GALNT13: variants seen among roughly 807,000 people sequenced by gnomAD.
GALNT13 encodes the protein polypeptide N-acetylgalactosaminyltransferase 13.
GALNT13 carries 28 observed loss-of-function variants against 64.2 expected under a neutral mutation model. The ratio of observed to expected loss-of-function variants is 0.44; its 90% confidence interval spans 0.32 to 0.60. GALNT13 has a LOEUF of 0.60. GALNT13 is among the 20% of genes least tolerant of loss of function. GALNT13 has a pLI of 0.05. For synonymous variants in GALNT13, 214 were observed against 224.6 expected (o/e 0.95, Z 0.42); for missense variants, 577 against 669.8 (o/e 0.86, Z 1.53).
At chr2:153,415,562 C>G in the GALNT13 span, among the ~76,000 whole-genome samples, 1 of 152,064 alleles carries the variant, frequency 6.6e-6, no homozygotes, top group Admixed American at 6.6e-5. Flanking sequence ...ATCATGTAAA[C>G]CAAATATAAT....
chr2:153,611,549 C>T, the GALNT13 span, among the ~76,000 whole-genome samples: 57 of 151,864 alleles, frequency 3.8e-4, no homozygotes, highest in African/African-American at 1.2e-3. Flanking sequence ...TTAGTAAAGA[C>T]GGGGTTTCAC....
At chr2:153,196,122 G>T in the GALNT13 span, among the ~76,000 whole-genome samples, 1 of 152,206 alleles carries the variant, frequency 6.6e-6, no homozygotes, top group Non-Finnish European at 1.5e-5. Flanking sequence ...GGTACCACAA[G>T]TTCCCACTCC....
At chr2:154,385,213 C>T (rs1391010189) in intron 9 of GALNT13, among the ~76,000 whole-genome samples, 2 of 151,916 alleles carry the variant, frequency 1.3e-5, no homozygotes, top group African/African-American at 2.4e-5. Context: ...GAAATATTTT[C>T]GTTTGTCAGT....
the GALNT13 span, among the ~76,000 whole-genome samples, chr2:153,277,927 C>CTTT: frequency 3.9e-4 from 31 of 80,102 alleles, no homozygotes; most frequent in Admixed American, 2.0e-3. Flanking sequence ...TCTTTTCTTT[C>CTTT]TTTTTTTTTT....
At chr2:154,133,499 C>T (rs1200599417) in intron 3 of GALNT13, among the ~76,000 whole-genome samples, 2 of 127,228 alleles carry the variant, frequency 1.6e-5, no homozygotes, top group African/African-American at 5.8e-5. Context: ...CAACTCAATT[C>T]ATCTAACTTT....
intron 9 of GALNT13, among the ~76,000 whole-genome samples, chr2:154,332,504 TA>T (rs1358101132): frequency 6.6e-6 from 1 of 152,080 alleles, no homozygotes; most frequent in African/African-American, 2.4e-5. Flanking sequence ...CTGCATGGTT[TA>T]AAATGAAATT....
chr2:153,483,493 C>T, the GALNT13 span, among the ~76,000 whole-genome samples: 40 of 149,122 alleles, frequency 2.7e-4, no homozygotes, highest in East Asian at 3.0e-3. Context: ...CTCAGCTCAC[C>T]GCAACCTCTG....
At chr2:154,222,331 C>T (rs986939986) in intron 4 of GALNT13, among the ~76,000 whole-genome samples, 3 of 151,962 alleles carry the variant, frequency 2.0e-5, no homozygotes, top group Admixed American at 6.6e-5. Context: ...GAAATGTTTC[C>T]CTACTTTTCC....
the GALNT13 span, among the ~76,000 whole-genome samples, chr2:153,258,385 A>AAAACG: frequency 5.6e-5 from 8 of 142,876 alleles, 1 homozygote; most frequent in African/African-American, 1.7e-4. Context: ...AAAACAAAAC[A>AAAACG]AAACAAAACA....
chr2:153,239,436 A>G, the GALNT13 span, among the ~76,000 whole-genome samples: 5 of 152,074 alleles, frequency 3.3e-5, no homozygotes, highest in African/African-American at 1.2e-4. Flanking sequence ...AAAGGCTTTC[A>G]GTTTTTGCCC....
the GALNT13 span, among the ~76,000 whole-genome samples, chr2:153,226,661 A>C: frequency 6.6e-6 from 1 of 152,222 alleles, no homozygotes; most frequent in African/African-American, 2.4e-5. Flanking sequence ...CAAACTTATC[A>C]AAAACAAGAA....
chr2:154,045,587 G>A (rs751655664), intron 3 of GALNT13, among the ~76,000 whole-genome samples: 9 of 152,122 alleles, frequency 5.9e-5, no homozygotes, highest in Non-Finnish European at 1.0e-4. Context: ...AGCTCTGGAC[G>A]CAAGTGTTTT....
the GALNT13 span, among the ~76,000 whole-genome samples, chr2:153,573,068 G>A: frequency 2.7e-4 from 41 of 151,830 alleles, no homozygotes; most frequent in African/African-American, 6.7e-4. Context: ...ATTGTATTTT[G>A]GTTTATATCT....
chr2:153,227,644 T>C, the GALNT13 span, among the ~76,000 whole-genome samples: 1 of 152,204 alleles, frequency 6.6e-6, no homozygotes, highest in Non-Finnish European at 1.5e-5. Flanking sequence ...CTTCTACTTC[T>C]CTTATATTTT....
intron 3 of GALNT13, among the ~76,000 whole-genome samples, chr2:154,119,271 CTG>C (rs1681792822): frequency 6.6e-6 from 1 of 152,052 alleles, no homozygotes; most frequent in Admixed American, 6.5e-5. Flanking sequence ...TTCTCTTGGC[CTG>C]TAGGGTTTCT....
rs549573593 is a variant in GALNT13, at chr2:154,394,512, G to A, written c.1157-1479G>A. Among the ~76,000 whole-genome samples the A allele has an allele frequency of 2.2e-4, 34 of 152,142 alleles. No individual in the cohort carries two copies. The East Asian group carries it at 2.5e-3, about 11-fold the overall frequency. ...AAACAGAACAGTAAAATTGACTATT[G>A]AATTAAGTCCTCTGAAGATACAGTG... On this transcript the variant is annotated intron_variant, in intron 9 of 12. Transcript: ENST00000392825.
chr2:153,115,377 A>T, the GALNT13 span, among the ~76,000 whole-genome samples: 1 of 152,212 alleles, frequency 6.6e-6, no homozygotes, highest in African/African-American at 2.4e-5. Context: ...CATTCAGAAG[A>T]ACTGTGTTAA....
intron 1 of GALNT13, among the ~76,000 whole-genome samples, chr2:153,894,497 A>C (rs1687764475): frequency 6.6e-6 from 1 of 152,078 alleles, no homozygotes; most frequent in African/African-American, 2.4e-5. Context: ...ATCATTATGA[A>C]GTAGTATTTA....
the GALNT13 span, among the ~76,000 whole-genome samples, chr2:153,389,599 T>C: frequency 6.6e-6 from 1 of 152,084 alleles, no homozygotes; most frequent in Admixed American, 6.6e-5. Flanking sequence ...TCTTTAAGAA[T>C]GAAAGAATGC....
Sources: gnomAD v4.1 joint callset for allele counts (sites outside exome capture counted in the v4.1 genomes callset) on GRCh38, gnomAD v4.1.1 for gene constraint, MANE v1.5 for transcripts, NCBI Gene and HGNC (gene_info 2026-07-23, HGNC 2026-07-21) for gene names.